Variants in CILP2 observed in about 807,000 individuals in gnomAD.
CILP2 encodes CILP-2.
In CILP2, 38 loss-of-function variants were observed where a neutral mutation model predicts 45.6. The ratio of observed to expected loss-of-function variants is 0.83; its 90% CI spans 0.64 to 1.09. CILP2 has a LOEUF of 1.09. Among genes scored for constraint, CILP2 ranks in the 50% least tolerant of loss-of-function variants. The pLI is 0.00. For synonymous variants in CILP2, 780 were observed against 723.5 expected (o/e 1.08, Z -1.25); for missense variants, 1,735 against 1,662.2 (o/e 1.04, Z -0.76).
In CILP2 at chr19:19,544,499, T is replaced by A; in HGVS notation, c.1954T>A (p.Ser652Thr). The change falls in exon 8 of 8, where the codon TCC (serine) becomes ACC (threonine). Residue 652 changes from serine (S) to threonine (T), a missense_variant. By Grantham distance (58) the Ser-to-Thr change is moderately conservative. Transcript: ENST00000291495. The stretch of plus-strand genomic sequence containing the variant: ...CTCCGTGGACCTCCGTGCGCCCGGC[T>A]CCGCGGAGCAGCTGCAGGTGGGGCC... Reference protein sequence around the residue: ...MFSVDLRAPGSAEQLQVGPVA... With the variant: ...MFSVDLRAPGTAEQLQVGPVA... 6.2e-7 allele frequency: 1 copy of A among 1,602,452 alleles called. No individual in the cohort carries two copies. The highest frequency in any genetic ancestry group is 2.2e-5 in the East Asian group (1 of 44,774).
At position 19,540,366 on chromosome 19, in the gene CILP2, T is replaced by A; in HGVS notation, c.326T>A (p.Val109Asp). 2 of 1,547,062 alleles carry A rather than the reference T, an allele frequency of 1.3e-6. No individual in the cohort carries two copies. Among genetic ancestry groups the A allele is most frequent in the Non-Finnish European group, 1.7e-6 (2 of 1,151,456 alleles). Residue 109 changes from valine (V) to aspartate (D), a missense_variant, in exon 3 of 8, where the codon GTC (valine) becomes GAC (aspartate). By Grantham distance (152) the Val-to-Asp change is radical (BLOSUM62 -3). Transcript: ENST00000291495. Reference protein sequence around the residue: ...RTTDWALPSAVGERVHLNPTR... With the variant: ...RTTDWALPSADGERVHLNPTR... ...ACGGACTGGGCCCTGCCGTCCGCCG[T>A]CGGCGAGCGCGTGCACTTGAACCCC...
Position 19,545,399 on chromosome 19 carries a change from A to G in CILP2, c.2854A>G (p.Met952Val). Reference protein sequence around the residue: ...KVKIQGPQEYMVRSHNAGGSH... With the variant: ...KVKIQGPQEYVVRSHNAGGSH... ...GAAGATCCAGGGTCCCCAGGAGTATATGGTCCGCTCCCACAACGCAGGGGG... is the reference window on the plus strand; with the variant it reads ...GAAGATCCAGGGTCCCCAGGAGTATGTGGTCCGCTCCCACAACGCAGGGGG... The change falls in exon 8 of 8, where the codon ATG (methionine) becomes GTG (valine). Residue 952 changes from methionine to valine, a missense_variant. Transcript: ENST00000291495. The G allele has an allele frequency of 6.2e-7, 1 of 1,612,686 alleles. No homozygotes were observed. The highest frequency in any genetic ancestry group is 8.5e-7 in the Non-Finnish European group (1 of 1,179,854).
Position 19,539,791 on chromosome 19 carries a change from C to G in CILP2, c.163+14C>G. The G allele has an allele frequency of 6.4e-7, 1 of 1,556,590 alleles. No individual in the cohort carries two copies. Among genetic ancestry groups the G allele is most frequent in the African/African-American group, 1.4e-5 (1 of 72,104 alleles). The stretch of plus-strand genomic sequence containing the variant: ...AGGACTGGGAAGGTGAGTTAGCCTG[C>G]CTCGGAGTCCCGTCTCTGCTGCGGG... On this transcript the variant is annotated intron_variant, in intron 2 of 7. Coordinates refer to ENST00000291495, the MANE Select transcript of CILP2 (RefSeq NM_153221.2).
In CILP2 at chr19:19,540,403, C is replaced by T. The variant is rs1403457345; in HGVS notation, c.363C>T (p.Phe121=). 4 of 1,517,514 alleles carry T rather than the reference C, an allele frequency of 2.6e-6. No homozygotes were observed. The highest frequency in any genetic ancestry group is 3.5e-4 in the Middle Eastern group (2 of 5,682). 94.0% of individuals were successfully genotyped at this position (1,517,514 alleles called of 1,614,324 possible). The part of the protein sequence containing the change: ...ERVHLNPTRG[F]WCLNREQPRG... ...TGCACTTGAACCCCACGCGCGGCTT[C>T]TGGTGCCTCAACCGCGAGCAACCGC... The change falls in exon 3 of 8, where the codon TTC becomes TTT. Residue 121 remains phenylalanine, a synonymous_variant. Transcript: ENST00000291495.
At position 19,544,277 on chromosome 19, in the gene CILP2, G is replaced by A; in HGVS notation, c.1732G>A (p.Glu578Lys). Residue 578 changes from glutamate (E) to lysine (K), a missense_variant, in exon 8 of 8, where the codon GAG becomes AAG. Glu to Lys is a moderately conservative substitution (Grantham distance 56). Coordinates refer to ENST00000291495, the MANE Select transcript of CILP2 (RefSeq NM_153221.2). ...NTIPLGELED[E>K]APLGELVLPS... Reference sequence around the variant, plus strand: ...GATCCCCCTGGGCGAGCTGGAAGATGAGGCGCCCCTGGGCGAGCTGGTCCT... The same window carrying A: ...GATCCCCCTGGGCGAGCTGGAAGATAAGGCGCCCCTGGGCGAGCTGGTCCT... 1 of 1,613,464 alleles carries A rather than the reference G, an allele frequency of 6.2e-7. No homozygotes were observed. Among genetic ancestry groups the A allele is most frequent in the Non-Finnish European group, 8.5e-7 (1 of 1,179,990 alleles).
Position 19,545,806 on chromosome 19 carries a change from C to G in CILP2, c.3261C>G (p.Gly1087=), listed in dbSNP as rs61744761. 6.3e-7 allele frequency: 1 copy of G among 1,591,384 alleles called. No homozygotes were observed. The highest frequency in any genetic ancestry group is 8.6e-7 in the Non-Finnish European group (1 of 1,165,914). The change falls in exon 8 of 8, where the codon GGC becomes GGG. Residue 1087 remains glycine, a synonymous_variant. Transcript: ENST00000291495. ...IGRCFDGSSD[G]FSREMKADAG... ...GCTGCTTTGATGGTTCCTCTGACGG[C>G]TTCTCCAGAGAGATGAAGGCTGATG... is the stretch of plus-strand genomic sequence containing the variant.
chr19:19,543,073 G>A lies in CILP2; in HGVS notation c.977+101G>A, dbSNP rs139958428. ...TTCCCATCTGGAGAGTGGGGAAAGC[G>A]TTAACGGGGAATGAATTGGGTGGGA... On this transcript the variant is annotated intron_variant, in intron 6 of 7. Transcript: ENST00000291495. 1.4e-3 allele frequency: 1,434 copies of A among 1,000,832 alleles called. 27 individuals carry two copies. In the East Asian group the frequency reaches 0.023, roughly 16 times the overall value. The allele number at this position is 1,000,832 out of a possible 1,614,324, so 62.0% of individuals were successfully genotyped here.
chr19:19,544,170 C>T lies in CILP2; in HGVS notation c.1625C>T (p.Pro542Leu). The T allele has an allele frequency of 3.1e-6, 5 of 1,613,780 alleles. No individual in the cohort carries two copies. Among genetic ancestry groups the T allele is most frequent in the Non-Finnish European group, 4.2e-6 (5 of 1,179,870 alleles). The stretch of plus-strand genomic sequence containing the variant: ...GCTGTCCGGGTCTTGCCTTTTGATC[C>T]TCGAGGTGCCGGCGTGTACCACGAG... Reference protein sequence around the residue: ...MDAVRVLPFDPRGAGVYHEVK... With the variant: ...MDAVRVLPFDLRGAGVYHEVK... Residue 542 changes from proline to leucine, a missense_variant, in exon 8 of 8, where the codon CCT becomes CTT. Pro to Leu is a moderately conservative substitution (Grantham distance 98, BLOSUM62 -3). Coordinates refer to ENST00000291495, the MANE Select transcript of CILP2 (RefSeq NM_153221.2).
Position 19,540,535 on chromosome 19 carries a change from C to A in CILP2, c.436+59C>A, listed in dbSNP as rs1194611180. 47 of 151,564 alleles carry A rather than the reference C, an allele frequency of 3.1e-4. 1 individual carries two copies. In the East Asian group the frequency reaches 4.8e-3, roughly 16 times the overall value. 9.4% of individuals were successfully genotyped at this position (151,564 alleles called of 1,614,324 possible). On this transcript the variant is annotated intron_variant, in intron 3 of 7. Coordinates refer to ENST00000291495, the MANE Select transcript of CILP2 (RefSeq NM_153221.2). ...TTGAATGGGCGGGGCTGGCGAACGC[C>A]GGGAAGAGTCGTGGTGGGTGGGGCT...
intron 2 of CILP2, 120 bp from the exon 3 acceptor site, chr19:19,540,084 C>A: frequency 7.6e-7 from 1 of 1,323,830 alleles, no homozygotes. Flanking sequence ...GGGTCGTGGG[C>A]GCGCTCGGCT....
intron 6 of CILP2, 103 bp from the exon 7 acceptor site, chr19:19,543,145 A>G (rs937471580): frequency 7.8e-7 from 1 of 1,277,942 alleles, no homozygotes. Flanking sequence ...GCTGGGGAGG[A>G]GGCTGACTTT....
At position 19,544,495 on chromosome 19, in the gene CILP2, C is replaced by T. The variant is rs773678475; in HGVS notation, c.1950C>T (p.Pro650=). ...YGMFSVDLRA[P]GSAEQLQVGP... ...TGTTCTCCGTGGACCTCCGTGCGCC[C>T]GGCTCCGCGGAGCAGCTGCAGGTGG... The change falls in exon 8 of 8, where the codon CCC becomes CCT. Residue 650 remains proline, a synonymous_variant. Transcript: ENST00000291495. The T allele has an allele frequency of 5.0e-6, 8 of 1,603,352 alleles. No homozygotes were observed. The African/African-American group carries it at 6.7e-5, about 13-fold the overall frequency.
chr19:19,541,623 C>T (rs1322348526), intron 4 of CILP2, among the ~76,000 whole-genome samples: 1 of 152,204 alleles, frequency 6.6e-6, no homozygotes, highest in Non-Finnish European at 1.5e-5. Flanking sequence ...TGTGTGCATT[C>T]CAGACTGTAC....
In CILP2 at chr19:19,544,471, G is replaced by A; in HGVS notation, c.1926G>A (p.Met642Ile). The A allele has an allele frequency of 6.2e-7, 1 of 1,608,160 alleles. No homozygotes were observed. Among genetic ancestry groups the A allele is most frequent in the Non-Finnish European group, 8.5e-7 (1 of 1,179,516 alleles). The change falls in exon 8 of 8, where the codon ATG (methionine) becomes ATA (isoleucine). Residue 642 changes from methionine (M) to isoleucine (I), a missense_variant. Met to Ile is a conservative substitution (Grantham distance 10). Coordinates refer to ENST00000291495, the MANE Select transcript of CILP2 (RefSeq NM_153221.2). ...TGGCTCCACTGCGCACCTACGGCAT[G>A]TTCTCCGTGGACCTCCGTGCGCCCG... The part of the protein sequence containing the change: ...GELAPLRTYG[M>I]FSVDLRAPGS...
chr19:19,545,602 G>A lies in CILP2; in HGVS notation c.3057G>A (p.Arg1019=). The A allele has an allele frequency of 4.4e-6, 7 of 1,608,840 alleles. No homozygotes were observed. Among genetic ancestry groups the A allele is most frequent in the Non-Finnish European group, 5.1e-6 (6 of 1,177,456 alleles). ...LVTIMPQGSC[R]RVAVNGLLRD... ...CCATTATGCCCCAGGGCAGCTGCCGGCGCGTGGCCGTCAACGGACTCCTTC... is the reference window on the plus strand; with the variant it reads ...CCATTATGCCCCAGGGCAGCTGCCGACGCGTGGCCGTCAACGGACTCCTTC... Residue 1019 remains arginine, a synonymous_variant, in exon 8 of 8, where the codon CGG becomes CGA. Coordinates refer to ENST00000291495, the MANE Select transcript of CILP2 (RefSeq NM_153221.2).
At chr19:19,539,252 A>C (rs2061234043) in intron 1 of CILP2, among the ~76,000 whole-genome samples, 1 of 151,898 alleles carries the variant, frequency 6.6e-6, no homozygotes, top group South Asian at 2.1e-4. Flanking sequence ...CAGAGCCTCA[A>C]TTTTCCCTCC....
In CILP2 at chr19:19,543,310, G is replaced by C. The variant is rs143359521; in HGVS notation, c.1040G>C (p.Arg347Pro). Residue 347 changes from arginine (R) to proline (P), a missense_variant, in exon 7 of 8, where the codon CGG becomes CCG. Physicochemically the swap from Arg to Pro is moderately radical, Grantham distance 103 (BLOSUM62 -2). Coordinates refer to ENST00000291495, the MANE Select transcript of CILP2 (RefSeq NM_153221.2). Reference sequence around the variant, plus strand: ...GGGTACGGGGCCCACCTGGAGCTGCGGGGACTGCGCCCAGACCAGGCTGGC... The same window carrying C: ...GGGTACGGGGCCCACCTGGAGCTGCCGGGACTGCGCCCAGACCAGGCTGGC... ...AHGYGAHLEL[R>P]GLRPDQAGIY... 6.2e-7 allele frequency: 1 copy of C among 1,613,650 alleles called. No individual in the cohort carries two copies.
rs1262195080 is a variant in CILP2, at chr19:19,539,718, G to T, written c.104G>T (p.Gly35Val). ...GAGGAGCCAATGGCGACTGCACTGG[G>T]CCTGGAAAGACGGTCCGTGTACACC... ...PTEEPMATAL[G>V]LERRSVYTGQ... The change falls in exon 2 of 8, where the codon GGC (glycine) becomes GTC (valine). Residue 35 changes from glycine (G) to valine (V), a missense_variant. Physicochemically the swap from Gly to Val is moderately radical, Grantham distance 109. Coordinates refer to ENST00000291495, the MANE Select transcript of CILP2 (RefSeq NM_153221.2). The T allele has an allele frequency of 6.2e-7, 1 of 1,606,610 alleles. No homozygotes were observed. Among genetic ancestry groups the T allele is most frequent in the South Asian group, 1.1e-5 (1 of 90,386 alleles).
At position 19,545,930 on chromosome 19, in the gene CILP2, A is replaced by G; in HGVS notation, c.3385A>G (p.Ile1129Val). ...LESPATALGD[I>V]RREMSEAAQA... ...GTCCCCGGCGACAGCACTTGGTGAC[A>G]TCCGCAGGGAGATGAGCGAGGCGGC... The change falls in exon 8 of 8, where the codon ATC becomes GTC. Residue 1129 changes from isoleucine to valine, a missense_variant. Ile to Val is a conservative substitution (Grantham distance 29, BLOSUM62 3). Coordinates refer to ENST00000291495, the MANE Select transcript of CILP2 (RefSeq NM_153221.2). The G allele has an allele frequency of 1.3e-6, 2 of 1,576,744 alleles. No individual in the cohort carries two copies. The highest frequency in any genetic ancestry group is 1.7e-6 in the Non-Finnish European group (2 of 1,155,978).
Sources: gnomAD v4.1 joint callset for allele counts (sites outside exome capture counted in the v4.1 genomes callset) on GRCh38, gnomAD v4.1.1 for gene constraint, MANE v1.5 for transcripts, NCBI Gene and HGNC (gene_info 2026-07-23, HGNC 2026-07-21) for gene names.